GRB14: variants seen among roughly 807,000 people sequenced by gnomAD.
GRB14 encodes the protein growth factor receptor-bound protein 14.
Under a neutral mutation model 69.1 loss-of-function variants are expected in GRB14, and 38 were observed. That is an observed-to-expected ratio of 0.55 (90% CI 0.42 to 0.72). The LOEUF (loss-of-function observed/expected upper bound fraction) is 0.72, where lower values mean the gene tolerates loss of function less well. Ranked by LOEUF, GRB14 falls within the 30% of genes least tolerant of loss-of-function variation. The pLI is 0.00. For missense variants in GRB14, 666 were observed against 666.1 expected, an observed-to-expected ratio of 1.00 and a Z score of 0.00; for synonymous variants, 247 against 241.3, an observed-to-expected ratio of 1.02 and a Z score of -0.22.
At chr2:164,509,015 T>C (rs1321633480) in intron 6 of GRB14, among the ~76,000 whole-genome samples, 163 bp from the exon 7 acceptor site, 3 of 152,186 alleles carry the variant, frequency 2.0e-5, no homozygotes, top group Admixed American at 2.0e-4. Flanking sequence ...GCCATATCTT[T>C]AATTAACCAG....
chr2:164,508,811 A>T lies in GRB14; in HGVS notation c.858T>A (p.Ser286Arg), dbSNP rs1559025534. The T allele has an allele frequency of 6.3e-7, 1 of 1,586,792 alleles. No homozygotes were observed. Among genetic ancestry groups the T allele is most frequent in the East Asian group, 2.2e-5 (1 of 44,576 alleles). The change falls in exon 7 of 14, where the codon AGT becomes AGA. Residue 286 changes from serine to arginine, a missense_variant. Physicochemically the swap from Ser to Arg is moderately radical, Grantham distance 110. Transcript: ENST00000263915. ...HLQFFSEFGN[S>R]DIYVSLAGKK... ...TGCCTGCCAGTGACACATAAATATC[A>T]CTATTGCCAAATTCGCTGAAAAACT...
rs1264094318 is a variant in GRB14 at position 164,621,214 on chromosome 2, C to T, written c.96G>A (p.Gly32=). Residue 32 remains glycine, a synonymous_variant, in exon 1 of 14, where the codon GGG becomes GGA. Coordinates refer to ENST00000263915, the MANE Select transcript of GRB14 (RefSeq NM_004490.3). This position sits in a 1 kb window ranked among gnomAD's most constrained non-coding sequence, Gnocchi z 6.0. ...GCGCCAGGTCGTGGGCGTCGCCCCT[C>T]CCCTGGGCAGCGCCACACACCTGGG... ...LAAQVCGAAQ[G]RGDAHDLAPA... is the part of the protein sequence containing the mutation. 3 of 1,247,034 alleles carry T rather than the reference C, an allele frequency of 2.4e-6. No individual in the cohort carries two copies. The Admixed American group carries it at 1.2e-4, about 51-fold the overall frequency. 77.2% of individuals were successfully genotyped at this position (1,247,034 alleles called of 1,614,324 possible).
chr2:164,572,786 T>C (rs1165275739), intron 2 of GRB14, among the ~76,000 whole-genome samples: 4 of 152,174 alleles, frequency 2.6e-5, no homozygotes, highest in Admixed American at 2.6e-4. Flanking sequence ...TATCTGACTG[T>C]ATAAAGCCCC....
At chr2:164,510,260 A>AT (rs1274985033) in intron 6 of GRB14, among the ~76,000 whole-genome samples, 4 of 152,200 alleles carry the variant, frequency 2.6e-5, no homozygotes, top group African/African-American at 9.6e-5. Flanking sequence ...CTGGAAGGCA[A>AT]TAAGAGGTAT....
At chr2:164,584,533 A>T (rs1689489761) in intron 2 of GRB14, among the ~76,000 whole-genome samples, 1 of 152,118 alleles carries the variant, frequency 6.6e-6, no homozygotes, top group African/African-American at 2.4e-5. Context: ...GAACAAAACT[A>T]AAATATTTAA....
intron 6 of GRB14, among the ~76,000 whole-genome samples, chr2:164,512,059 G>A (rs749289145): frequency 1.5e-4 from 23 of 152,154 alleles, no homozygotes; most frequent in Non-Finnish European, 2.8e-4. Context: ...AGTGAAAAGT[G>A]GGGGGAAGAG....
intron 2 of GRB14, among the ~76,000 whole-genome samples, chr2:164,566,256 G>T (rs576029699): frequency 6.6e-6 from 1 of 152,268 alleles, no homozygotes; most frequent in African/African-American, 2.4e-5. Flanking sequence ...TAATCATGGT[G>T]TGACCAGGGC....
At chr2:164,583,407 C>G (rs949279769) in intron 2 of GRB14, among the ~76,000 whole-genome samples, 2 of 152,108 alleles carry the variant, frequency 1.3e-5, no homozygotes, top group African/African-American at 4.8e-5. Flanking sequence ...AGTAAATATA[C>G]TGCTAATTCA....
rs117166030 is a variant in GRB14, at chr2:164,545,136, A to C, written c.481+2524T>G. Among the ~76,000 whole-genome samples the C allele has an allele frequency of 1.4e-3, 210 of 152,340 alleles. 7 individuals are homozygous for C. In the East Asian group the frequency reaches 0.034, roughly 25 times the overall value. On this transcript the variant is annotated intron_variant, in intron 3 of 13. Transcript: ENST00000263915. ...TAATGACTATGTATAAAATTCTTTC[A>C]CAAGTCTGAACAAATTGAAGCAACT... is the stretch of plus-strand genomic sequence containing the variant.
chr2:164,580,580 T>C (rs74631989), intron 2 of GRB14, among the ~76,000 whole-genome samples: 6,800 of 152,024 alleles, frequency 0.045, 504 homozygotes, highest in African/African-American at 0.15. Context: ...GGTGTGCACC[T>C]GCAATCCCAA....
chr2:164,545,168 G>A (rs1198457181), intron 3 of GRB14, among the ~76,000 whole-genome samples: 6 of 152,128 alleles, frequency 3.9e-5, no homozygotes, highest in African/African-American at 1.4e-4. Flanking sequence ...AACTAATGGA[G>A]CTGTCACTGA....
chr2:164,586,829 T>A (rs1007948844), intron 2 of GRB14, among the ~76,000 whole-genome samples: 1 of 152,214 alleles, frequency 6.6e-6, no homozygotes, highest in African/African-American at 2.4e-5. Context: ...CTGGGGATTA[T>A]AATTTCCACT....
chr2:164,583,298 G>A (rs543136495), intron 2 of GRB14, among the ~76,000 whole-genome samples: 2 of 151,512 alleles, frequency 1.3e-5, no homozygotes, highest in East Asian at 1.9e-4. Context: ...TCAGGTAGAA[G>A]AAAATTAACC....
At position 164,508,846 on chromosome 2, in the gene GRB14, G is replaced by A. The variant is rs570762396; in HGVS notation, c.823C>T (p.Arg275Trp). ...AATTCGCTGAAAAACTGCAAATGCCGCGGTTCCTTAAAAAAAAAAGTATTG... is the reference window on the plus strand; with the variant it reads ...AATTCGCTGAAAAACTGCAAATGCCACGGTTCCTTAAAAAAAAAAGTATTG... The part of the protein sequence containing the change: ...FSTKGTSKEP[R>W]HLQFFSEFGN... The change falls in exon 7 of 14, where the codon CGG becomes TGG. Residue 275 changes from arginine to tryptophan, a missense_variant. Transcript: ENST00000263915. 16 of 1,563,100 alleles carry A rather than the reference G, an allele frequency of 1.0e-5. No homozygotes were observed. Among genetic ancestry groups the A allele is most frequent in the Admixed American group, 6.3e-5 (3 of 47,906 alleles).
intron 2 of GRB14, among the ~76,000 whole-genome samples, chr2:164,565,344 TGCTA>T (rs1489648953): frequency 6.6e-6 from 1 of 152,112 alleles, no homozygotes; most frequent in African/African-American, 2.4e-5. Flanking sequence ...ATGTTTTCTA[TGCTA>T]GAGCATAAGG....
At chr2:164,494,369 A>G in intron 13 of GRB14, 62 bp downstream of exon 13, 1 of 891,584 alleles carries the variant, frequency 1.1e-6, no homozygotes, top group Middle Eastern at 2.5e-4. Context: ...ATGCATTAAG[A>G]TCAAAAGCTT....
chr2:164,587,120 T>G (rs987503408), intron 2 of GRB14, among the ~76,000 whole-genome samples: 1 of 152,118 alleles, frequency 6.6e-6, no homozygotes, highest in Non-Finnish European at 1.5e-5. Flanking sequence ...CTGCACAGTT[T>G]CCAGAGAGAA....
At chr2:164,539,857 T>A (rs1688187867) in intron 3 of GRB14, 1 of 152,172 alleles carries the variant, frequency 6.6e-6, no homozygotes. Flanking sequence ...CTAGTAGAAA[T>A]GACAGATAGG....
chr2:164,544,240 A>G (rs1688309664), intron 3 of GRB14, among the ~76,000 whole-genome samples: 1 of 152,186 alleles, frequency 6.6e-6, no homozygotes, highest in Admixed American at 6.5e-5. Flanking sequence ...ATTAATTCCC[A>G]GTGTTCCACT....
Sources: gnomAD v4.1 joint callset for allele counts (sites outside exome capture counted in the v4.1 genomes callset) on GRCh38, gnomAD v4.1.1 for gene constraint, Gnocchi (gnomAD v3.1) non-coding constraint, MANE v1.5 for transcripts, NCBI Gene and HGNC (gene_info 2026-07-23, HGNC 2026-07-21) for gene names.